Variants in ZNF831 observed in about 807,000 individuals in gnomAD.
The protein encoded by ZNF831 is chromosome 20 open reading frame 174.
A neutral mutation model predicts 95.8 loss-of-function variants in ZNF831; 59 were observed. That is an observed-to-expected ratio of 0.62 (90% CI 0.50 to 0.77). The LOEUF is 0.77. ZNF831 is among the 30% of genes least tolerant of loss of function. The probability of loss-of-function intolerance (pLI) is 0.00; values close to 1 mark genes in which losing one functional copy is unlikely to be tolerated. For synonymous variants in ZNF831, 961 were observed against 925.5 expected (o/e 1.04, Z -0.70); for missense variants, 2,205 against 2,164.0 (o/e 1.02, Z -0.38).
intron 1 of ZNF831, among the ~76,000 whole-genome samples, chr20:59,170,810 G>A (rs1043557298): frequency 6.6e-5 from 10 of 152,204 alleles, no homozygotes; most frequent in African/African-American, 2.4e-4. Flanking sequence ...CCACTGGATA[G>A]CAGAGGAGTT....
intron 2 of ZNF831, among the ~76,000 whole-genome samples, chr20:59,154,601 T>C (rs889080768): frequency 1.9e-4 from 29 of 152,364 alleles, no homozygotes; most frequent in African/African-American, 6.7e-4. Flanking sequence ...ACAAGTCCTA[T>C]GCCACTTGGA....
At chr20:59,204,187 C>T (rs961573434) in intron 3 of ZNF831, among the ~76,000 whole-genome samples, 14 of 152,296 alleles carry the variant, frequency 9.2e-5, no homozygotes, top group African/African-American at 2.9e-4. Flanking sequence ...AAATCCTGGG[C>T]TTTGAGAATG....
intron 4 of ZNF831, among the ~76,000 whole-genome samples, chr20:59,227,189 C>T (rs1418130451): frequency 6.6e-6 from 1 of 152,176 alleles, no homozygotes; most frequent in Non-Finnish European, 1.5e-5. Context: ...CAGACCAGCA[C>T]TGAATGGCGT....
Position 59,255,551 on chromosome 20 carries a change from C to T in ZNF831, c.*808C>T. ...GTTAAAAGTTAATAGAACTGTCTCT[C>T]TGTAATGAGTCATTTTTTGAGAGGG... On this transcript the variant is annotated 3_prime_UTR_variant, in exon 6 of 6. Coordinates refer to ENST00000371030, the MANE Select transcript of ZNF831 (RefSeq NM_178457.3). 6.6e-6 allele frequency: 1 copy of T among 152,130 alleles called. No homozygotes were observed. The highest frequency in any genetic ancestry group is 1.9e-4 in the East Asian group (1 of 5,184). 9.4% of individuals were successfully genotyped at this position (152,130 alleles called of 1,614,324 possible).
intron 4 of ZNF831, among the ~76,000 whole-genome samples, chr20:59,251,558 C>G (rs1245797480): frequency 6.6e-6 from 1 of 151,946 alleles, no homozygotes; most frequent in Non-Finnish European, 1.5e-5. Flanking sequence ...GAGTGTAAAC[C>G]AAGAAAAAAG....
intron 1 of ZNF831, among the ~76,000 whole-genome samples, chr20:59,140,441 A>G (rs1299592525): frequency 6.6e-6 from 1 of 152,196 alleles, no homozygotes; most frequent in East Asian, 1.9e-4. Context: ...TAAACCACAG[A>G]ACTTAGGCAC....
At chr20:59,141,423 T>C (rs1163320645) in intron 1 of ZNF831, among the ~76,000 whole-genome samples, 1 of 152,256 alleles carries the variant, frequency 6.6e-6, no homozygotes, top group Admixed American at 6.5e-5. Context: ...TTTCTTTCTT[T>C]CATTTTTGCC....
chr20:59,192,616 C>T lies in ZNF831; in HGVS notation c.1597C>T (p.Leu533=), dbSNP rs1983683835. ...CCCCTGGTCCAGGACGCAGAAGCCTCTGAGCCCCAGGCCCGGCCCAGCCCG... is the reference window on the plus strand; with the variant it reads ...CCCCTGGTCCAGGACGCAGAAGCCTTTGAGCCCCAGGCCCGGCCCAGCCCG... ...RDPWSRTQKP[L]SPRPGPARLG... Residue 533 remains leucine (L), a synonymous_variant, in exon 2 of 6, where the codon CTG becomes TTG. Transcript: ENST00000371030. The surrounding 1 kb of genome is among the most constrained non-coding windows in gnomAD (Gnocchi z 5.2). 1 of 1,503,538 alleles carries T rather than the reference C, an allele frequency of 6.7e-7. No homozygotes were observed. The allele number at this position is 1,503,538 out of a possible 1,614,324, so 93.1% of individuals were successfully genotyped here. A position where few individuals can be genotyped will look rare whatever the true frequency, so the allele number is the denominator to read the frequency against.
At chr20:59,233,033 CACACACACACAT>C in intron 4 of ZNF831, among the ~76,000 whole-genome samples, 3 of 144,350 alleles carry the variant, frequency 2.1e-5, no homozygotes, top group African/African-American at 8.4e-5. Context: ...CACACACACA[CACACACACACAT>C]AGAGAGAGAG....
intron 4 of ZNF831, among the ~76,000 whole-genome samples, chr20:59,246,397 T>C (rs949135221): frequency 1.3e-5 from 2 of 152,206 alleles, no homozygotes; most frequent in Non-Finnish European, 2.9e-5. Flanking sequence ...ATATCGATAA[T>C]GTCCCAGGGA....
intron 4 of ZNF831, among the ~76,000 whole-genome samples, chr20:59,243,083 G>A (rs1011805849): frequency 6.6e-6 from 1 of 152,200 alleles, no homozygotes; most frequent in Admixed American, 6.5e-5. Flanking sequence ...TTTAACTCCA[G>A]GGCAAGGCAG....
upstream of ZNF831, among the ~76,000 whole-genome samples, chr20:59,162,758 A>T (rs1460080871): frequency 1.3e-5 from 2 of 152,046 alleles, no homozygotes; most frequent in South Asian, 2.1e-4. Context: ...TTTGCTTAGG[A>T]TTGCTTTGGC....
chr20:59,142,994 G>A (rs1979730052), intron 1 of ZNF831, among the ~76,000 whole-genome samples: 1 of 152,084 alleles, frequency 6.6e-6, no homozygotes, highest in Non-Finnish European at 1.5e-5. Context: ...CCACCACCTA[G>A]GCTAAAGGGA....
chr20:59,129,612 G>C (rs958002981), intron 1 of ZNF831, among the ~76,000 whole-genome samples: 15 of 152,338 alleles, frequency 9.8e-5, no homozygotes, highest in South Asian at 4.1e-4. Flanking sequence ...GACAGAGTGA[G>C]TCTCTGGCTC....
chr20:59,136,252 G>T (rs1345289595), intron 1 of ZNF831, among the ~76,000 whole-genome samples: 5 of 152,088 alleles, frequency 3.3e-5, no homozygotes, highest in Non-Finnish European at 7.4e-5. Context: ...CTCTGCTGCT[G>T]CTTCATTGCC....
chr20:59,156,884 A>T (rs1980573369), intron 2 of ZNF831, among the ~76,000 whole-genome samples: 1 of 152,230 alleles, frequency 6.6e-6, no homozygotes, highest in Non-Finnish European at 1.5e-5. Context: ...ATTTTTTTAA[A>T]AAGAAGAAAG....
At chr20:59,253,519 G>A (rs1037594879) in intron 5 of ZNF831, among the ~76,000 whole-genome samples, 6 of 151,982 alleles carry the variant, frequency 3.9e-5, no homozygotes, top group East Asian at 1.9e-4. Context: ...ACACTCATCC[G>A]GAAAAAACCA....
At chr20:59,163,713 CTTT>C (rs10708774), upstream of ZNF831, among the ~76,000 whole-genome samples, 3 of 135,760 alleles carry the variant, frequency 2.2e-5, no homozygotes, top group Admixed American at 7.4e-5. Flanking sequence ...AGCGGTGGCT[CTTT>C]TTTTTTTTTT....
chr20:59,160,800 G>C (rs1196004768), upstream of ZNF831: 2 of 133,666 alleles, frequency 1.5e-5, no homozygotes, highest in Non-Finnish European at 3.1e-5. Context: ...TGGTTTTGCT[G>C]CTTTTTTTTT....
Sources: gnomAD v4.1 joint callset for allele counts (sites outside exome capture counted in the v4.1 genomes callset) on GRCh38, gnomAD v4.1.1 for gene constraint, Gnocchi (gnomAD v3.1) non-coding constraint, MANE v1.5 for transcripts, NCBI Gene and HGNC (gene_info 2026-07-23, HGNC 2026-07-21) for gene names.